The following TPPP2 variants were observed in gnomAD, a reference collection of about 807,000 sequenced individuals.
TPPP2 encodes tubulin polymerization-promoting protein family member 2.
In TPPP2, 8 loss-of-function variants were observed where a neutral mutation model predicts 13.0. The ratio of observed to expected loss-of-function variants is 0.62; its 90% CI spans 0.36 to 1.11. The LOEUF is 1.11. Ranked by LOEUF, TPPP2 falls within the 50% of genes most tolerant of loss-of-function variation. The probability of loss-of-function intolerance (pLI) is 0.02; values close to 1 mark genes in which losing one functional copy is unlikely to be tolerated. For synonymous variants in TPPP2, 81 were observed against 81.8 expected, an observed-to-expected ratio of 0.99 and a Z score of 0.05; for missense variants, 213 against 216.9, an observed-to-expected ratio of 0.98 and a Z score of 0.11.
chr14:21,024,834 C>T, intron 1 of TPPP2: 3 of 985,780 alleles, frequency 3.0e-6, no homozygotes, highest in Non-Finnish European at 3.6e-6. Context: ...ACCTTGCACA[C>T]AACCTCGCGC....
upstream of TPPP2, among the ~76,000 whole-genome samples, chr14:21,027,190 G>T (rs1243452): frequency 6.6e-6 from 1 of 151,534 alleles, no homozygotes; most frequent in Admixed American, 6.6e-5. Flanking sequence ...AAGTAAGGCT[G>T]GTTCTCCCCT....
At chr14:21,036,194 A>G (rs1007358651), downstream of TPPP2, 11 of 456,204 alleles carry the variant, frequency 2.4e-5, no homozygotes, top group Non-Finnish European at 4.8e-5. Context: ...TCCTCAGTGG[A>G]TGCTCTCGTC....
upstream of TPPP2, among the ~76,000 whole-genome samples, chr14:21,027,191 G>T (rs1044596776): frequency 6.6e-6 from 1 of 152,136 alleles, no homozygotes; most frequent in East Asian, 1.9e-4. Flanking sequence ...AGTAAGGCTG[G>T]TTCTCCCCTA....
At chr14:21,034,327 G>A, downstream of TPPP2, 1 of 1,514,166 alleles carries the variant, frequency 6.6e-7, no homozygotes, top group Non-Finnish European at 9.1e-7. Flanking sequence ...GGGGGCAGCA[G>A]TGGGCCTGAA....
chr14:21,030,717 A>G lies in TPPP2; in HGVS notation c.136A>G (p.Thr46Ala). 1 of 1,614,186 alleles carries G rather than the reference A, an allele frequency of 6.2e-7. No individual in the cohort carries two copies. Among genetic ancestry groups the G allele is most frequent in the Non-Finnish European group, 8.5e-7 (1 of 1,180,010 alleles). The change falls in exon 2 of 4, where the codon ACC becomes GCC. Residue 46 changes from threonine (T) to alanine (A), a missense_variant. By Grantham distance (58) the Thr-to-Ala change is moderately conservative. Coordinates refer to ENST00000321760, the MANE Select transcript of TPPP2 (RefSeq NM_173846.5). ...DCGIMDGKTVTSTDVDIVFSK... is the reference protein window; with the variant it reads ...DCGIMDGKTVASTDVDIVFSK... ...TGGCATCATGGATGGCAAGACAGTC[A>G]CCTCCACGGACGTGGACATCGTGTT...
upstream of TPPP2, chr14:21,028,522 ATGT>A (rs1421546992): frequency 6.6e-6 from 1 of 152,150 alleles, no homozygotes; most frequent in African/African-American, 2.4e-5. Flanking sequence ...CCCAAGAATA[ATGT>A]TGATGAGAGG....
upstream of TPPP2, chr14:21,028,460 T>A (rs993363367): frequency 2.6e-5 from 4 of 152,084 alleles, no homozygotes; most frequent in African/African-American, 9.7e-5. Context: ...AAGGTCTCAC[T>A]TTGTTGGCCT....
Position 21,032,214 on chromosome 14 carries a change from A to G in TPPP2, c.*137A>G. 1.1e-6 allele frequency: 1 copy of G among 933,124 alleles called. No individual in the cohort carries two copies. The highest frequency in any genetic ancestry group is 1.7e-6 in the Non-Finnish European group (1 of 588,444). 57.8% of individuals were successfully genotyped at this position (933,124 alleles called of 1,614,324 possible). ...GGGACAGATGAGCCTACTAGTGTAG[A>G]GAGAGGGAGAAGAGGCAGCACAGGA... On this transcript the variant is annotated 3_prime_UTR_variant, in exon 4 of 4. Transcript: ENST00000321760.
rs1884262052 is a variant in TPPP2 at position 21,032,265 on chromosome 14, T to TC, written c.*189dup. 1 of 695,866 alleles carries TC rather than the reference T, an allele frequency of 1.4e-6. No individual in the cohort carries two copies. Among genetic ancestry groups the TC allele is most frequent in the South Asian group, 1.5e-5 (1 of 66,942 alleles). 43.1% of individuals were successfully genotyped at this position (695,866 alleles called of 1,614,324 possible). A position where few individuals can be genotyped will look rare whatever the true frequency, so the allele number is the denominator to read the frequency against. On this transcript the variant is annotated 3_prime_UTR_variant, in exon 4 of 4. Transcript: ENST00000321760. ...GGGTGGGTTCTCCACCACACACCCTTCGCTCTGCTTAGCCTTATGCCTACC... is the reference window on the plus strand; with the variant it reads ...GGGTGGGTTCTCCACCACACACCCTTCCGCTCTGCTTAGCCTTATGCCTACC...
chr14:21,026,457 C>G (rs1883640795), upstream of TPPP2, among the ~76,000 whole-genome samples: 1 of 150,748 alleles, frequency 6.6e-6, no homozygotes, highest in African/African-American at 2.4e-5. Flanking sequence ...ACCGACTGCC[C>G]CCCCAAGACC....
In TPPP2 at chr14:21,031,014, C is replaced by T. The variant is rs1167727843; in HGVS notation, c.176C>T (p.Ala59Val). The T allele has an allele frequency of 2.5e-6, 4 of 1,605,746 alleles. No individual in the cohort carries two copies. Among genetic ancestry groups the T allele is most frequent in the Non-Finnish European group, 3.4e-6 (4 of 1,176,440 alleles). ...TGGATTTCTGTCTAACTGACCAGGGCCAAGAACGCCCGAACCATCACGTTT... is the reference window on the plus strand; with the variant it reads ...TGGATTTCTGTCTAACTGACCAGGGTCAAGAACGCCCGAACCATCACGTTT... ...DVDIVFSKVK[A>V]KNARTITFQQ... The change falls in exon 3 of 4, where the codon GCC (alanine) becomes GTC (valine). Residue 59 changes from alanine (A) to valine (V), a missense_variant and splice_region_variant. Transcript: ENST00000321760.
chr14:21,025,808 G>T, upstream of TPPP2: 2 of 785,622 alleles, frequency 2.5e-6, no homozygotes, highest in Admixed American at 6.2e-5. This position sits in a 1 kb window ranked among gnomAD's most constrained non-coding sequence, Gnocchi z 5.1. Context: ...GGGCAGGCGG[G>T]GGGTGGGGAG....
At chr14:21,026,361 T>TGGG, upstream of TPPP2, among the ~76,000 whole-genome samples, 1 of 143,980 alleles carries the variant, frequency 6.9e-6, no homozygotes, top group Non-Finnish European at 1.5e-5. Flanking sequence ...TCAGACTGGT[T>TGGG]CCTGAGTTGC....
At chr14:21,031,511 C>T (rs959537894) in intron 3 of TPPP2, among the ~76,000 whole-genome samples, 3 of 152,216 alleles carry the variant, frequency 2.0e-5, no homozygotes, top group Non-Finnish European at 4.4e-5. Context: ...TCTCAGGCCT[C>T]CTGCCTCTCA....
chr14:21,036,240 G>C (rs1269055254), downstream of TPPP2: 2 of 456,222 alleles, frequency 4.4e-6, no homozygotes, highest in African/African-American at 4.0e-5. Flanking sequence ...ACTCCAGTAA[G>C]ACTCAACTCA....
intron 3 of TPPP2, 29 bp downstream of exon 3, chr14:21,031,194 C>T (rs1884093820): frequency 6.2e-7 from 1 of 1,606,986 alleles, no homozygotes; most frequent in African/African-American, 1.3e-5. Flanking sequence ...CCCCTTGACC[C>T]TACTTCCCTA....
At chr14:21,024,902 GCGCC>G in intron 1 of TPPP2, 1 of 985,584 alleles carries the variant, frequency 1.0e-6, no homozygotes, top group Non-Finnish European at 1.2e-6. Flanking sequence ...CAGCAACCGA[GCGCC>G]CGCTCCGTGC....
downstream of TPPP2, chr14:21,033,009 A>C (rs1303768789): frequency 2.2e-6 from 1 of 454,716 alleles, no homozygotes; most frequent in Admixed American, 2.4e-5. Context: ...GGTCAGGGGC[A>C]GACTCTGGAG....
At chr14:21,034,078 T>C (rs778914543), downstream of TPPP2, 2 of 1,614,022 alleles carry the variant, frequency 1.2e-6, no homozygotes, top group Non-Finnish European at 8.5e-7. Context: ...ACATAATGGA[T>C]CTTTGGGCAA....
Sources: allele counts gnomAD v4.1 joint callset (sites outside exome capture counted in the v4.1 genomes callset), GRCh38; gene constraint gnomAD v4.1.1; non-coding constraint Gnocchi (gnomAD v3.1); transcripts MANE v1.5; gene names NCBI Gene and HGNC (gene_info 2026-07-23, HGNC 2026-07-21).